TRPM6: variants seen among roughly 807,000 people sequenced by gnomAD.
TRPM6 encodes the protein transient receptor potential cation channel subfamily M member 6, also known as channel kinase 2.
A neutral mutation model predicts 247.6 loss-of-function variants in TRPM6; 111 were observed. That is an observed-to-expected ratio of 0.45 (90% confidence interval 0.38 to 0.52). The LOEUF is 0.52. Among genes scored for constraint, TRPM6 ranks in the 20% least tolerant of loss-of-function variants. The pLI, the probability that TRPM6 is intolerant of heterozygous loss-of-function variation, is 0.00. For missense variants in TRPM6, 2,126 were observed against 2,421.5 expected, an observed-to-expected ratio of 0.88 and a Z score of 2.56; for synonymous variants, 892 against 853.8, an observed-to-expected ratio of 1.04 and a Z score of -0.78.
At chr9:74,883,286 G>T (rs1426903007) in intron 1 of TRPM6, among the ~76,000 whole-genome samples, 1 of 152,038 alleles carries the variant, frequency 6.6e-6, no homozygotes, top group Non-Finnish European at 1.5e-5. Flanking sequence ...CAGTGGTATT[G>T]TTCTGTTGGT....
intron 1 of TRPM6, among the ~76,000 whole-genome samples, chr9:74,886,035 T>C (rs890475422): frequency 6.6e-6 from 1 of 152,260 alleles, no homozygotes; most frequent in Non-Finnish European, 1.5e-5. Context: ...AAATTAACTA[T>C]GATAGATAAT....
intron 7 of TRPM6, among the ~76,000 whole-genome samples, chr9:74,823,664 A>G (rs936046425): frequency 5.3e-5 from 8 of 152,248 alleles, no homozygotes; most frequent in African/African-American, 1.4e-4. Flanking sequence ...AAGCCAAATG[A>G]GGCGGCAAAA....
Position 74,842,302 on chromosome 9 carries a change from T to C in TRPM6, c.194A>G (p.Asp65Gly). The change falls in exon 4 of 39, where the codon GAT becomes GGT. Residue 65 changes from aspartate (D) to glycine (G), a missense_variant. Asp to Gly is a moderately conservative substitution (Grantham distance 94, BLOSUM62 -1). Coordinates refer to ENST00000360774, the MANE Select transcript of TRPM6 (RefSeq NM_017662.5). The stretch of plus-strand genomic sequence containing the variant: ...GGCAGCTGAGATGGTCCAGGAATAA[T>C]CTATCCCAGCATGGTCTCCAATCAG... The part of the protein sequence containing the change: ...GRLIGDHAGI[D>G]YSWTISAAKG... 6.2e-7 allele frequency: 1 copy of C among 1,614,142 alleles called. No homozygotes were observed. Among genetic ancestry groups the C allele is most frequent in the South Asian group, 1.1e-5 (1 of 91,078 alleles).
rs767038418 is a variant in TRPM6, at chr9:74,724,715, C to T, written c.5967G>A (p.Arg1989=). The change falls in exon 39 of 39, where the codon AGG becomes AGA. Residue 1989 remains arginine, a synonymous_variant. Transcript: ENST00000360774. ...TCTCAAGTCCAAAGGTGGAATTTAT[C>T]CTTTCAGGGGAATAGTCATTTCTTT... is the stretch of plus-strand genomic sequence containing the variant. ...DLKRNDYSPE[R]INSTFGLEIK... 10 of 1,614,136 alleles carry T rather than the reference C, an allele frequency of 6.2e-6. No homozygotes were observed. The Admixed American group carries it at 1.5e-4, about 24-fold the overall frequency.
intron 18 of TRPM6, among the ~76,000 whole-genome samples, chr9:74,795,151 T>A (rs1828045605): frequency 6.6e-6 from 1 of 152,138 alleles, no homozygotes; most frequent in African/African-American, 2.4e-5. Context: ...TAAAAGACCC[T>A]CTTCCTCTCC....
chr9:74,875,311 G>A, intron 1 of TRPM6: 1 of 452,828 alleles, frequency 2.2e-6, no homozygotes, highest in Non-Finnish European at 4.4e-6. Context: ...GGGAGACCGA[G>A]GTGGGTGGAT....
intron 25 of TRPM6, among the ~76,000 whole-genome samples, chr9:74,767,224 A>AT (rs1300316226): frequency 6.6e-6 from 1 of 152,126 alleles, no homozygotes; most frequent in African/African-American, 2.4e-5. Flanking sequence ...TATGTTAAAT[A>AT]TTTTTTAAAA....
At chr9:74,883,758 T>C (rs1831438309) in intron 1 of TRPM6, among the ~76,000 whole-genome samples, 3 of 152,106 alleles carry the variant, frequency 2.0e-5, no homozygotes, top group East Asian at 1.9e-4. Flanking sequence ...TAATCCCAGA[T>C]ACTTGAGAGG....
At chr9:74,856,247 T>C (rs889909644) in intron 2 of TRPM6, among the ~76,000 whole-genome samples, 1 of 152,054 alleles carries the variant, frequency 6.6e-6, no homozygotes, top group Non-Finnish European at 1.5e-5. Flanking sequence ...AAGACTAGCC[T>C]GGGCAACATA....
In TRPM6 at chr9:74,761,748, T is replaced by C; in HGVS notation, c.4733A>G (p.Lys1578Arg). 1 of 1,614,072 alleles carries C rather than the reference T, an allele frequency of 6.2e-7. No homozygotes were observed. The highest frequency in any genetic ancestry group is 1.1e-5 in the South Asian group (1 of 91,078). The change falls in exon 27 of 39, where the codon AAA (lysine) becomes AGA (arginine). Residue 1578 changes from lysine to arginine, a missense_variant. Coordinates refer to ENST00000360774, the MANE Select transcript of TRPM6 (RefSeq NM_017662.5). ...GAWVKAKMLT[K>R]DRRLSKKKKN... is the part of the protein sequence containing the mutation. ...CTTTTTCTTTGACAGTCTCCTGTCT[T>C]TGGTTAGCATTTTCGCTTTGACCCA... is the stretch of plus-strand genomic sequence containing the variant.
At chr9:74,821,487 C>A (rs540918271) in intron 8 of TRPM6, among the ~76,000 whole-genome samples, 182 bp downstream of exon 8, 1 of 152,290 alleles carries the variant, frequency 6.6e-6, no homozygotes, top group African/African-American at 2.4e-5. Context: ...AAGAAAATAG[C>A]AACTCTCATC....
chr9:74,866,584 C>T (rs1432971137), intron 1 of TRPM6, among the ~76,000 whole-genome samples: 2 of 152,164 alleles, frequency 1.3e-5, no homozygotes. Context: ...CAGATTCAAG[C>T]GATTCTCCTG....
chr9:74,727,911 G>A (rs1825385726), intron 38 of TRPM6, among the ~76,000 whole-genome samples: 1 of 152,036 alleles, frequency 6.6e-6, no homozygotes, highest in African/African-American at 2.4e-5. Context: ...CAGCTGGCAG[G>A]ACCCAAATGT....
chr9:74,807,878 T>C (rs1247918207), intron 14 of TRPM6, among the ~76,000 whole-genome samples, 156 bp downstream of exon 14: 1 of 152,184 alleles, frequency 6.6e-6, no homozygotes, highest in Non-Finnish European at 1.5e-5. Context: ...CTGCAACACT[T>C]AGTACAGTAT....
chr9:74,812,101 T>C (rs368773447), intron 12 of TRPM6, among the ~76,000 whole-genome samples, 198 bp downstream of exon 12: 3 of 152,236 alleles, frequency 2.0e-5, no homozygotes, highest in East Asian at 3.8e-4. Context: ...GTATGCATTT[T>C]GAAGATGTAC....
chr9:74,796,933 AC>A, intron 17 of TRPM6, 40 bp from the exon 18 acceptor site: 1 of 1,536,568 alleles, frequency 6.5e-7, no homozygotes, highest in Non-Finnish European at 9.0e-7. Context: ...AGTAGGGACT[AC>A]AAAAGCACAT....
chr9:74,819,030 G>A (rs1038700619), intron 9 of TRPM6, among the ~76,000 whole-genome samples: 7 of 152,192 alleles, frequency 4.6e-5, no homozygotes, highest in East Asian at 3.9e-4. Context: ...TAATTCAGCC[G>A]GGCACAGTGG....
At chr9:74,869,236 C>T (rs926324416) in intron 1 of TRPM6, among the ~76,000 whole-genome samples, 1 of 151,780 alleles carries the variant, frequency 6.6e-6, no homozygotes, top group African/African-American at 2.4e-5. Context: ...TTTGGGAGGC[C>T]GAGGCAGGCA....
At position 74,839,605 on chromosome 9, in the gene TRPM6, G is replaced by A. The variant is rs753092604; in HGVS notation, c.544+419C>T. Among the ~76,000 whole-genome samples the A allele has an allele frequency of 6.4e-4, 97 of 152,008 alleles. 1 individual carries two copies. The highest frequency in any genetic ancestry group is 3.3e-4 in the Admixed American group (5 of 15,252). On this transcript the variant is annotated intron_variant, in intron 5 of 38. Coordinates refer to ENST00000360774, the MANE Select transcript of TRPM6 (RefSeq NM_017662.5). ...TGTCCCTTCTAGCCTTGCTGTAGTT[G>A]GGAGCTCAGGAAAGACTATTTTCTT...
Sources: allele counts gnomAD v4.1 joint callset (sites outside exome capture counted in the v4.1 genomes callset), GRCh38; gene constraint gnomAD v4.1.1; transcripts MANE v1.5; gene names NCBI Gene and HGNC (gene_info 2026-07-23, HGNC 2026-07-21).